Variants in ITPR2 observed in about 807,000 individuals in gnomAD.
The protein encoded by ITPR2 is inositol 1,4,5-trisphosphate-gated calcium channel ITPR2.
Under a neutral mutation model 317.1 loss-of-function variants are expected in ITPR2, and 207 were observed. The ratio of observed to expected loss-of-function variants is 0.65; its 90% CI spans 0.58 to 0.73. The LOEUF is 0.73. ITPR2 is among the 30% of genes least tolerant of loss of function. The pLI is 0.00. For missense variants in ITPR2, 2,613 were observed against 3,284.0 expected (o/e 0.80, Z 4.99); for synonymous variants, 1,156 against 1,149.1 (o/e 1.01, Z -0.12).
chr12:26,344,398 G>A (rs1442711193), intron 55 of ITPR2, among the ~76,000 whole-genome samples: 1 of 152,204 alleles, frequency 6.6e-6, no homozygotes, highest in Non-Finnish European at 1.5e-5. Context: ...CCAGGAATGT[G>A]AGGGATGGTG....
chr12:26,390,083 C>T (rs1939785417), intron 54 of ITPR2, among the ~76,000 whole-genome samples: 1 of 152,058 alleles, frequency 6.6e-6, no homozygotes, highest in Non-Finnish European at 1.5e-5. Flanking sequence ...CACTAGAATG[C>T]CTATAACCAA....
At chr12:26,734,029 A>G (rs1451744652) in intron 2 of ITPR2, among the ~76,000 whole-genome samples, 1 of 152,204 alleles carries the variant, frequency 6.6e-6, no homozygotes, top group Non-Finnish European at 1.5e-5. Context: ...AATATATTTT[A>G]TGTATATTTA....
At chr12:26,674,689 G>C (rs1477674828) in intron 13 of ITPR2, among the ~76,000 whole-genome samples, 3 of 152,172 alleles carry the variant, frequency 2.0e-5, no homozygotes, top group Admixed American at 1.3e-4. Context: ...AGCCAAAACT[G>C]ACAAATGGGA....
At position 26,599,438 on chromosome 12, in the gene ITPR2, T is replaced by C; in HGVS notation, c.3802-93A>G. 3.6e-6 allele frequency: 4 copies of C among 1,113,932 alleles called. No homozygotes were observed. The South Asian group carries it at 5.5e-5, about 15-fold the overall frequency. 69.0% of individuals were successfully genotyped at this position (1,113,932 alleles called of 1,614,324 possible). On this transcript the variant is annotated intron_variant, in intron 29 of 56. Transcript: ENST00000381340. ...TAATTGCCCTGCTTGTGATCAGTTTTATATTTTATACGAAGCCACAGTGAA... is the reference window on the plus strand; with the variant it reads ...TAATTGCCCTGCTTGTGATCAGTTTCATATTTTATACGAAGCCACAGTGAA...
intron 49 of ITPR2, chr12:26,419,531 T>A: frequency 5.2e-6 from 1 of 190,670 alleles, no homozygotes; most frequent in Non-Finnish European, 1.1e-5. Flanking sequence ...TGGATTTAAA[T>A]CTTGGCTCTT....
At chr12:26,706,785 A>G (rs1478693172) in intron 9 of ITPR2, among the ~76,000 whole-genome samples, 1 of 152,152 alleles carries the variant, frequency 6.6e-6, no homozygotes, top group Non-Finnish European at 1.5e-5. Context: ...TTCCTATTAC[A>G]AACTGGATAA....
intron 15 of ITPR2, 144 bp downstream of exon 15, chr12:26,663,541 C>T: frequency 7.8e-6 from 6 of 770,244 alleles, no homozygotes. Flanking sequence ...ACTTACAAAT[C>T]ATTTTTATGT....
intron 55 of ITPR2, among the ~76,000 whole-genome samples, chr12:26,375,906 C>T (rs775711566): frequency 6.6e-6 from 1 of 152,206 alleles, no homozygotes; most frequent in African/African-American, 2.4e-5. Context: ...CGAGACCAGC[C>T]TGGGCAACAT....
rs7955564 is a variant in ITPR2 at position 26,781,124 on chromosome 12, A to C, written c.163+9033T>G. Among the ~76,000 whole-genome samples, 538 of 152,338 alleles carry C rather than the reference A, an allele frequency of 3.5e-3. 3 individuals are homozygous for C. The highest frequency in any genetic ancestry group is 0.013 in the African/African-American group (522 of 41,576). ...GGTCAATGAGAAACTAAAACAGCCC[A>C]ATCCCGGCAGGACTACAAATGGCCC... On this transcript the variant is annotated intron_variant, in intron 2 of 56. Coordinates refer to ENST00000381340, the MANE Select transcript of ITPR2 (RefSeq NM_002223.4).
intron 1 of ITPR2, among the ~76,000 whole-genome samples, chr12:26,822,679 G>T (rs1157319623): frequency 1.3e-5 from 2 of 152,102 alleles, no homozygotes; most frequent in African/African-American, 2.4e-5. Flanking sequence ...AAAGGCACTG[G>T]GTACTTCGCA....
At position 26,681,978 on chromosome 12, in the gene ITPR2, T is replaced by G; in HGVS notation, c.1305A>C (p.Pro435=). The change falls in exon 13 of 57, where the codon CCA becomes CCC. Residue 435 remains proline (P), a synonymous_variant. Coordinates refer to ENST00000381340, the MANE Select transcript of ITPR2 (RefSeq NM_002223.4). ...AGTCTAAGTCTCGAACTTCAGACAG[T>G]GGAACAGACACGATTGCGAACGCTT... ...DKEAFAIVSV[P]LSEVRDLDFA... The G allele has an allele frequency of 6.2e-7, 1 of 1,613,864 alleles. No individual in the cohort carries two copies.
chr12:26,569,268 A>T (rs1945090944), intron 34 of ITPR2, among the ~76,000 whole-genome samples: 1 of 152,166 alleles, frequency 6.6e-6, no homozygotes, highest in African/African-American at 2.4e-5. Context: ...CAAGAAAAAA[A>T]ATATGGTGGG....
In ITPR2 at chr12:26,415,366, G is replaced by A; in HGVS notation, c.7243C>T (p.Leu2415Phe). Residue 2415 changes from leucine to phenylalanine, a missense_variant, in exon 51 of 57, where the codon CTT becomes TTT. Leu to Phe is a conservative substitution (Grantham distance 22, BLOSUM62 0). Transcript: ENST00000381340. ...LVYLFSIIGF[L>F]FLKDDFTMEV... The stretch of plus-strand genomic sequence containing the variant: ...ATAGTGAAGTCATCCTTCAAAAAAA[G>A]GAACCCAATAATGGAAAACAGGTAG... The A allele has an allele frequency of 6.2e-7, 1 of 1,612,164 alleles. No individual in the cohort carries two copies. The highest frequency in any genetic ancestry group is 8.5e-7 in the Non-Finnish European group (1 of 1,179,000).
chr12:26,819,623 T>TTA (rs1244693428), intron 1 of ITPR2, among the ~76,000 whole-genome samples: 6 of 152,194 alleles, frequency 3.9e-5, no homozygotes, highest in Non-Finnish European at 5.9e-5. Flanking sequence ...TATAATGTAC[T>TTA]ACCCACTAAG....
In ITPR2 at chr12:26,427,963, T is replaced by C; in HGVS notation, c.6895A>G (p.Ile2299Val). The change falls in exon 49 of 57, where the codon ATA becomes GTA. Residue 2299 changes from isoleucine (I) to valine (V), a missense_variant. By Grantham distance (29) the Ile-to-Val change is conservative. Coordinates refer to ENST00000381340, the MANE Select transcript of ITPR2 (RefSeq NM_002223.4). ...GTAGGCCCAAGACCTATTGTATATA[T>C]TGATCTGAGCATTATTGATACAAGA... ...PFLVSIMLRS[I>V]YTIGLGPTLI... is the part of the protein sequence containing the mutation. 1 of 1,612,580 alleles carries C rather than the reference T, an allele frequency of 6.2e-7. No individual in the cohort carries two copies. Among genetic ancestry groups the C allele is most frequent in the Non-Finnish European group, 8.5e-7 (1 of 1,179,256 alleles).
intron 34 of ITPR2, among the ~76,000 whole-genome samples, chr12:26,573,620 A>T (rs1000541508): frequency 6.6e-6 from 1 of 152,228 alleles, no homozygotes; most frequent in Non-Finnish European, 1.5e-5. Flanking sequence ...CTGAGCCCTT[A>T]TATTTTGAAC....
chr12:26,711,204 T>C lies in ITPR2; in HGVS notation c.920A>G (p.His307Arg). The C allele has an allele frequency of 1.2e-6, 2 of 1,613,792 alleles. No homozygotes were observed. The highest frequency in any genetic ancestry group is 2.2e-5 in the East Asian group (1 of 44,832). ...GQWNSLFRFK[H>R]LATGNYLAAE... ...AGCTAAATAGTTTCCAGTTGCAAGA[T>C]GCTTAAATCTGAACAAGCTGTTCCA... Residue 307 changes from histidine to arginine, a missense_variant, in exon 9 of 57, where the codon CAT (histidine) becomes CGT (arginine). By Grantham distance (29) the His-to-Arg change is conservative (BLOSUM62 0). Around this residue, in one of 9 missense-constraint regions of ITPR2, gnomAD observed 515 missense variants for 789.4 expected, o/e 0.65. Transcript: ENST00000381340.
intron 34 of ITPR2, among the ~76,000 whole-genome samples, chr12:26,565,333 T>C (rs1375770145): frequency 6.6e-6 from 1 of 152,170 alleles, no homozygotes. Flanking sequence ...AGTTTTAATA[T>C]CATAGTGCTA....
chr12:26,340,331 G>A lies in ITPR2; in HGVS notation c.7858-3C>T, dbSNP rs914724710. The A allele has an allele frequency of 6.3e-7, 1 of 1,595,072 alleles. No homozygotes were observed. Among genetic ancestry groups the A allele is most frequent in the Non-Finnish European group, 8.5e-7 (1 of 1,170,624 alleles). The stretch of plus-strand genomic sequence containing the variant: ...GGAAACCAATCCAAATTCTTCTCCT[G>A]AAAGCAAATAAATGTGTGCGAACAA... On this transcript the variant is annotated splice_polypyrimidine_tract_variant and splice_region_variant and intron_variant, in intron 55 of 56. Transcript: ENST00000381340.
Sources: gnomAD v4.1 joint callset for allele counts (sites outside exome capture counted in the v4.1 genomes callset) on GRCh38, gnomAD v4.1.1 for gene constraint, gnomAD v4.1.1 regional missense constraint, MANE v1.5 for transcripts, NCBI Gene and HGNC (gene_info 2026-07-23, HGNC 2026-07-21) for gene names.